The following FANCL variants were observed in gnomAD, a reference collection of about 807,000 sequenced individuals.
FANCL encodes the protein FA complementation group L, also known as E3 ubiquitin-protein ligase FANCL.
Under a neutral mutation model 59.4 loss-of-function variants are expected in FANCL, and 69 were observed. That is an observed-to-expected ratio of 1.16 (90% CI 0.96 to 1.42). The LOEUF is 1.42. Among genes scored for constraint, FANCL ranks in the 40% most tolerant of loss-of-function variants. FANCL has a pLI of 0.00. For synonymous variants in FANCL, 180 were observed against 147.1 expected (o/e 1.22, Z -1.62); for missense variants, 519 against 447.2 (o/e 1.16, Z -1.45).
At chr2:58,236,965 CAAAACTGAT>C (rs1328937456) in intron 1 of FANCL, among the ~76,000 whole-genome samples, 2 of 151,994 alleles carry the variant, frequency 1.3e-5, no homozygotes, top group African/African-American at 4.8e-5. Context: ...ATATATGAAG[CAAAACTGAT>C]AGAAATTAAA....
chr2:58,198,113 A>C (rs1008120224), intron 7 of FANCL, among the ~76,000 whole-genome samples: 1 of 151,596 alleles, frequency 6.6e-6, no homozygotes, highest in African/African-American at 2.4e-5. Context: ...GCATGTAGAG[A>C]GGGAGAAAGA....
intron 11 of FANCL, among the ~76,000 whole-genome samples, chr2:58,162,330 C>CA (rs1003882455): frequency 3.9e-5 from 6 of 151,902 alleles, no homozygotes; most frequent in Non-Finnish European, 7.4e-5. Flanking sequence ...CATCCATAAA[C>CA]AGACTATGTA....
At chr2:58,202,876 G>A (rs1690186263) in intron 6 of FANCL, among the ~76,000 whole-genome samples, 1 of 151,670 alleles carries the variant, frequency 6.6e-6, no homozygotes, top group African/African-American at 2.4e-5. Flanking sequence ...AGGACAGGGT[G>A]TATTTAAAAT....
intron 4 of FANCL, among the ~76,000 whole-genome samples, chr2:58,225,804 A>G (rs1018828025): frequency 1.3e-5 from 2 of 152,060 alleles, no homozygotes; most frequent in African/African-American, 2.4e-5. Flanking sequence ...GTTTTATTCA[A>G]CAAATACATG....
At chr2:58,190,131 A>G (rs965024188) in intron 7 of FANCL, among the ~76,000 whole-genome samples, 6 of 152,024 alleles carry the variant, frequency 3.9e-5, no homozygotes, top group East Asian at 1.9e-4. Flanking sequence ...TTCTACAGGT[A>G]TATCTGTAAC....
At chr2:58,240,227 A>G (rs1211768002) in intron 1 of FANCL, among the ~76,000 whole-genome samples, 1 of 152,198 alleles carries the variant, frequency 6.6e-6, no homozygotes, top group Non-Finnish European at 1.5e-5. Flanking sequence ...GGAGAGGGAA[A>G]GGTGGATTAA....
chr2:58,181,414 GT>G (rs1469674135), intron 7 of FANCL, among the ~76,000 whole-genome samples: 1 of 151,996 alleles, frequency 6.6e-6, no homozygotes, highest in African/African-American at 2.4e-5. Flanking sequence ...ACCCTGTGAT[GT>G]TAATAATGTT....
chr2:58,178,392 T>C (rs546709552), intron 7 of FANCL, among the ~76,000 whole-genome samples: 1 of 152,296 alleles, frequency 6.6e-6, no homozygotes, highest in Admixed American at 6.5e-5. Context: ...CACGATCAAG[T>C]TGGTTTCAAC....
chr2:58,174,776 A>C (rs1408202087), intron 7 of FANCL, among the ~76,000 whole-genome samples: 1 of 152,212 alleles, frequency 6.6e-6, no homozygotes, highest in Admixed American at 6.5e-5. Flanking sequence ...GAAGGCAAGA[A>C]ATAACTAAAA....
At chr2:58,215,026 A>G (rs1475286539) in intron 5 of FANCL, among the ~76,000 whole-genome samples, 1 of 152,226 alleles carries the variant, frequency 6.6e-6, no homozygotes, top group African/African-American at 2.4e-5. Context: ...TACAACAGAA[A>G]TAAAACTAGA....
At position 58,226,728 on chromosome 2, in the gene FANCL, CA is replaced by C; in HGVS notation, c.272del (p.Leu91TrpfsTer5). On this transcript the variant is annotated frameshift_variant and splice_region_variant, in exon 4 of 14. Transcript: ENST00000233741. LOFTEE classifies it high-confidence loss of function. ...MSFMMELKML[L>X]EVALKNRQEL... ...TGTCAGAAAAAAAAAAAATTCTTAC[CA>C]AAAGCATCTTCAACTCCATCATAAA... The C allele has an allele frequency of 6.2e-7, 1 of 1,612,174 alleles. No homozygotes were observed. Among genetic ancestry groups the C allele is most frequent in the South Asian group, 1.1e-5 (1 of 90,828 alleles).
intron 4 of FANCL, among the ~76,000 whole-genome samples, chr2:58,222,610 C>A (rs964412898): frequency 3.3e-5 from 5 of 151,958 alleles, no homozygotes; most frequent in African/African-American, 1.2e-4. Flanking sequence ...AGATTACAGT[C>A]CCGTTCCTTG....
intron 1 of FANCL, among the ~76,000 whole-genome samples, chr2:58,237,875 G>A (rs1040028302): frequency 6.6e-6 from 1 of 152,166 alleles, no homozygotes; most frequent in African/African-American, 2.4e-5. Flanking sequence ...AGAGATTAAA[G>A]AGAATGTGCA....
chr2:58,216,068 G>A (rs533987128), intron 5 of FANCL, among the ~76,000 whole-genome samples: 4 of 152,186 alleles, frequency 2.6e-5, no homozygotes, highest in Non-Finnish European at 5.9e-5. Context: ...GTCAAAAATG[G>A]ACCCCAAACT....
chr2:58,172,288 G>A (rs1686726862), intron 7 of FANCL, among the ~76,000 whole-genome samples: 1 of 152,238 alleles, frequency 6.6e-6, no homozygotes, highest in South Asian at 2.1e-4. Flanking sequence ...AGAACAGGCA[G>A]ACTGCCTCCT....
chr2:58,169,275 G>C, intron 7 of FANCL, among the ~76,000 whole-genome samples: 1 of 152,182 alleles, frequency 6.6e-6, no homozygotes, highest in East Asian at 1.9e-4. Context: ...AAGGTCTGGA[G>C]TGGACCTCCA....
rs1184053783 is a variant in FANCL at position 58,162,720 on chromosome 2, A to G, written c.903+146T>C. 3 of 719,972 alleles carry G rather than the reference A, an allele frequency of 4.2e-6. No homozygotes were observed. In the African/African-American group the frequency reaches 5.3e-5, roughly 13 times the overall value. 44.6% of individuals were successfully genotyped at this position (719,972 alleles called of 1,614,324 possible). ...TTGTACTTAACAACCAATCAAAGGTAAACAAGTTTTTTGATGCAGATCAGA... is the reference window on the plus strand; with the variant it reads ...TTGTACTTAACAACCAATCAAAGGTGAACAAGTTTTTTGATGCAGATCAGA... On this transcript the variant is annotated intron_variant, in intron 11 of 13. Coordinates refer to ENST00000233741, the MANE Select transcript of FANCL (RefSeq NM_018062.4).
chr2:58,200,866 T>TATA (rs34554148), intron 6 of FANCL, among the ~76,000 whole-genome samples: 21,798 of 151,330 alleles, frequency 0.14, 1,894 homozygotes, highest in African/African-American at 0.25. Context: ...ACAATATGTA[T>TATA]ATAATAAATT....
At chr2:58,173,671 G>A (rs1390831593) in intron 7 of FANCL, among the ~76,000 whole-genome samples, 12 of 152,136 alleles carry the variant, frequency 7.9e-5, no homozygotes, top group African/African-American at 1.9e-4. Flanking sequence ...GGTACCAGCC[G>A]CTGCAAAATC....
Sources: gnomAD v4.1 joint callset for allele counts (sites outside exome capture counted in the v4.1 genomes callset) on GRCh38, gnomAD v4.1.1 for gene constraint, MANE v1.5 for transcripts, NCBI Gene and HGNC (gene_info 2026-07-23, HGNC 2026-07-21) for gene names.